Variants in USP8 observed in about 807,000 individuals in gnomAD.
USP8 encodes the protein ubiquitin carboxyl-terminal hydrolase 8.
A neutral mutation model predicts 130.0 loss-of-function variants in USP8; 27 were observed. That is an observed-to-expected ratio of 0.21 (90% confidence interval 0.15 to 0.29). The LOEUF is 0.29. USP8 is among the 10% of genes least tolerant of loss of function. The probability of loss-of-function intolerance (pLI) is 1.00; values close to 1 mark genes in which losing one functional copy is unlikely to be tolerated. For synonymous variants in USP8, 392 were observed against 444.1 expected (o/e 0.88, Z 1.48); for missense variants, 1,029 against 1,312.2 (o/e 0.78, Z 3.33).
In USP8 at chr15:50,509,365, A is replaced by G. The variant is rs2052708930; in HGVS notation, c.*10277A>G. The G allele has an allele frequency of 6.6e-6, 1 of 151,314 alleles. No homozygotes were observed. Among genetic ancestry groups the G allele is most frequent in the African/African-American group, 2.4e-5 (1 of 41,154 alleles). The allele number at this position is 151,314 out of a possible 1,614,324, so 9.4% of individuals were successfully genotyped here. On this transcript the variant is annotated 3_prime_UTR_variant, in exon 20 of 20. Coordinates refer to ENST00000307179, the MANE Select transcript of USP8 (RefSeq NM_005154.5). ...TAGTAAGATTTAGAGAATAAGAGAC[A>G]AGGCGGCCGGGCGCGGTGGCTCATG...
chr15:50,436,567 C>T (rs1241554611), intron 1 of USP8, among the ~76,000 whole-genome samples: 1 of 151,986 alleles, frequency 6.6e-6, no homozygotes, highest in Non-Finnish European at 1.5e-5. Flanking sequence ...GGTGCGATCT[C>T]GGCTCACTGC....
intron 7 of USP8, among the ~76,000 whole-genome samples, chr15:50,465,811 A>T (rs1194738156): frequency 1.3e-5 from 2 of 152,202 alleles, no homozygotes; most frequent in Non-Finnish European, 2.9e-5. Context: ...ACTCTATTCA[A>T]ATAACTGTCA....
At chr15:50,450,668 T>C (rs1222741417) in intron 4 of USP8, among the ~76,000 whole-genome samples, 1 of 151,902 alleles carries the variant, frequency 6.6e-6, no homozygotes, top group Non-Finnish European at 1.5e-5. Flanking sequence ...ACGGGGTTTC[T>C]CCATGTTGGT....
Position 50,497,354 on chromosome 15 carries a change from C to T in USP8, c.3038+123C>T, listed in dbSNP as rs145329780. On this transcript the variant is annotated intron_variant, in intron 18 of 19. Transcript: ENST00000307179. ...ATAACAAAGGGCGATTATCTGGTTA[C>T]AGTAGATCTAGGGAAATAAAGCAGA... is the stretch of plus-strand genomic sequence containing the variant. 202 of 1,236,208 alleles carry T rather than the reference C, an allele frequency of 1.6e-4. 2 individuals carry two copies. The East Asian group carries it at 5.4e-3, about 33-fold the overall frequency. 76.6% of individuals were successfully genotyped at this position (1,236,208 alleles called of 1,614,324 possible).
chr15:50,459,996 C>CCTTTTT (rs567135111), intron 5 of USP8, among the ~76,000 whole-genome samples: 4 of 91,984 alleles, frequency 4.3e-5, no homozygotes, highest in Non-Finnish European at 8.4e-5. Flanking sequence ...CACCCCCCCC[C>CCTTTTT]TTTTTTTTTT....
chr15:50,427,989 C>T (rs1233003252), intron 1 of USP8, among the ~76,000 whole-genome samples: 1 of 152,082 alleles, frequency 6.6e-6, no homozygotes, highest in Admixed American at 6.6e-5. Context: ...TCCCAAGTAG[C>T]TAGGACTGCA....
At position 50,490,657 on chromosome 15, in the gene USP8, CCA is replaced by C. The variant is rs972529679; in HGVS notation, c.2234+135_2234+136del. 21 of 1,171,282 alleles carry C rather than the reference CCA, an allele frequency of 1.8e-5. No homozygotes were observed. The African/African-American group carries it at 3.1e-4, about 17-fold the overall frequency. 72.6% of individuals were successfully genotyped at this position (1,171,282 alleles called of 1,614,324 possible). A position where few individuals can be genotyped will look rare whatever the true frequency, so the allele number is the denominator to read the frequency against. On this transcript the variant is annotated intron_variant, in intron 14 of 19. Coordinates refer to ENST00000307179, the MANE Select transcript of USP8 (RefSeq NM_005154.5). The stretch of plus-strand genomic sequence containing the variant: ...TGGCTATACCAGCCGTTATTATTTA[CCA>C]CAGAGAACAAAACAAATGAATAGAG...
intron 1 of USP8, among the ~76,000 whole-genome samples, chr15:50,435,836 C>T (rs2050075935): frequency 6.6e-6 from 1 of 152,172 alleles, no homozygotes. Flanking sequence ...TACAGTCTTT[C>T]TCCTAGAAAC....
intron 4 of USP8, among the ~76,000 whole-genome samples, chr15:50,454,605 G>A (rs1234644902): frequency 2.0e-5 from 3 of 151,344 alleles, no homozygotes; most frequent in Non-Finnish European, 4.4e-5. Context: ...ACAGGTGTGT[G>A]CCACCACACC....
At chr15:50,463,824 C>G (rs944483972) in intron 6 of USP8, among the ~76,000 whole-genome samples, 3 of 152,186 alleles carry the variant, frequency 2.0e-5, no homozygotes, top group Non-Finnish European at 2.9e-5. Flanking sequence ...AATCTCAACT[C>G]TCTTGTAGTG....
chr15:50,459,996 C>CCCCCCCTTT (rs567135111), intron 5 of USP8, among the ~76,000 whole-genome samples: 8 of 91,980 alleles, frequency 8.7e-5, no homozygotes, highest in South Asian at 4.0e-4. Flanking sequence ...CACCCCCCCC[C>CCCCCCCTTT]TTTTTTTTTT....
In USP8 at chr15:50,499,679, C is replaced by T. The variant is rs1320338240; in HGVS notation, c.*591C>T. ...CTGTTGGCTTTGGGCTGTATTTGTG[C>T]ACTAAATCTTTATTCTAAAAAAAAA... On this transcript the variant is annotated 3_prime_UTR_variant, in exon 20 of 20. Coordinates refer to ENST00000307179, the MANE Select transcript of USP8 (RefSeq NM_005154.5). 2.0e-5 allele frequency: 3 copies of T among 151,574 alleles called. No homozygotes were observed. The East Asian group carries it at 5.8e-4, about 29-fold the overall frequency. 9.4% of individuals were successfully genotyped at this position (151,574 alleles called of 1,614,324 possible). A position where few individuals can be genotyped will look rare whatever the true frequency, so the allele number is the denominator to read the frequency against.
At chr15:50,455,321 TC>T (rs2050756593) in intron 4 of USP8, among the ~76,000 whole-genome samples, 1 of 151,306 alleles carries the variant, frequency 6.6e-6, no homozygotes, top group African/African-American at 2.4e-5. Flanking sequence ...CAAGCAGTCC[TC>T]CTACCAGGGC....
In USP8 at chr15:50,496,413, G is replaced by A. The variant is rs946758715; in HGVS notation, c.2895+329G>A. Among the ~76,000 whole-genome samples the A allele has an allele frequency of 3.3e-5, 5 of 150,348 alleles. 1 individual carries two copies. The highest frequency in any genetic ancestry group is 4.2e-4 in the South Asian group (2 of 4,778). Reference sequence around the variant, plus strand: ...GGAGAATGGCGTGAACCCTGGAGGCGGAGTTTACAGTGAGCTGAGATCTCG... The same window carrying A: ...GGAGAATGGCGTGAACCCTGGAGGCAGAGTTTACAGTGAGCTGAGATCTCG... On this transcript the variant is annotated intron_variant, in intron 17 of 19. Coordinates refer to ENST00000307179, the MANE Select transcript of USP8 (RefSeq NM_005154.5).
chr15:50,462,390 C>T, intron 6 of USP8, 68 bp downstream of exon 6: 1 of 1,392,508 alleles, frequency 7.2e-7, no homozygotes, highest in Non-Finnish European at 9.8e-7. Flanking sequence ...GAATAAGCAT[C>T]AGGTTTTATA....
chr15:50,447,434 G>GT (rs2050478201), intron 3 of USP8, among the ~76,000 whole-genome samples: 1 of 151,802 alleles, frequency 6.6e-6, no homozygotes, highest in Admixed American at 6.6e-5. Flanking sequence ...AGAAACGGGG[G>GT]TTTGCCATGT....
At chr15:50,469,896 A>G (rs1213046770) in intron 7 of USP8, among the ~76,000 whole-genome samples, 1 of 144,798 alleles carries the variant, frequency 6.9e-6, no homozygotes, top group Admixed American at 7.3e-5. Context: ...CAGTGGCGTG[A>G]TCTCGGCTCA....
rs1370901720 is a variant in USP8, at chr15:50,514,326, G to A, written c.*15238G>A. 6.6e-6 allele frequency: 1 copy of A among 152,066 alleles called. No homozygotes were observed. The highest frequency in any genetic ancestry group is 1.5e-5 in the Non-Finnish European group (1 of 68,020). The allele number at this position is 152,066 out of a possible 1,614,324, so 9.4% of individuals were successfully genotyped here. A position where few individuals can be genotyped will look rare whatever the true frequency, so the allele number is the denominator to read the frequency against. The stretch of plus-strand genomic sequence containing the variant: ...TAAACTCTGTTCTGCTGGTTACATG[G>A]GTATGTTCACTTGAAAATCCATCAA... On this transcript the variant is annotated 3_prime_UTR_variant, in exon 20 of 20. Transcript: ENST00000307179.
chr15:50,429,854 C>T (rs569284151), intron 1 of USP8, among the ~76,000 whole-genome samples: 7 of 152,198 alleles, frequency 4.6e-5, no homozygotes, highest in South Asian at 4.1e-4. Context: ...TACGATCTGG[C>T]TCCCTACTTA....
Sources: allele counts gnomAD v4.1 joint callset (sites outside exome capture counted in the v4.1 genomes callset), GRCh38; gene constraint gnomAD v4.1.1; transcripts MANE v1.5; gene names NCBI Gene and HGNC (gene_info 2026-07-23, HGNC 2026-07-21).